Variants in KIF6 observed in about 807,000 individuals in gnomAD.
The protein encoded by KIF6 is kinesin-like protein KIF6.
KIF6 carries 106 observed loss-of-function variants against 112.7 expected under a neutral mutation model. That is an observed-to-expected ratio of 0.94 (90% confidence interval 0.80 to 1.11). KIF6 has a LOEUF of 1.11. Among genes scored for constraint, KIF6 ranks in the 50% least tolerant of loss-of-function variants. The pLI, the probability that KIF6 is intolerant of heterozygous loss-of-function variation, is 0.00. For missense variants in KIF6, 929 were observed against 964.0 expected, an observed-to-expected ratio of 0.96 and a Z score of 0.48; for synonymous variants, 339 against 339.9, an observed-to-expected ratio of 1.00 and a Z score of 0.03.
At chr6:39,590,451 A>ATATATATATATTT (rs1338373703) in intron 7 of KIF6, among the ~76,000 whole-genome samples, 26 of 84,746 alleles carry the variant, frequency 3.1e-4, no homozygotes, top group African/African-American at 1.3e-3. Flanking sequence ...ATATATATAT[A>ATATATATATATTT]TTTTTTTTTT....
Position 39,346,485 on chromosome 6 carries a change from A to T in KIF6, c.2222T>A (p.Phe741Tyr). 1 of 715,960 alleles carries T rather than the reference A, an allele frequency of 1.4e-6. No homozygotes were observed. Among genetic ancestry groups the T allele is most frequent in the Non-Finnish European group, 2.6e-6 (1 of 385,022 alleles). 44.4% of individuals were successfully genotyped at this position (715,960 alleles called of 1,614,324 possible). A position where few individuals can be genotyped will look rare whatever the true frequency, so the allele number is the denominator to read the frequency against. The change falls in exon 20 of 23, where the codon TTC (phenylalanine) becomes TAC (tyrosine). Residue 741 changes from phenylalanine to tyrosine, a missense_variant. Coordinates refer to ENST00000287152, the MANE Select transcript of KIF6 (RefSeq NM_145027.6). ...GGAAGGGGGTCCTCACCAGACATCG[A>T]ATCTGCCAGTGCCTTGATCTTGGAC... Reference protein sequence around the residue: ...WEVQDQGTGRFDVCDVNARKI... With the variant: ...WEVQDQGTGRYDVCDVNARKI...
chr6:39,376,877 GA>G lies in KIF6; in HGVS notation c.1861+8744del, dbSNP rs538590804. Reference sequence around the variant, plus strand: ...TCTTCAAATACAAGCTTAATGGAAAGAAAAAAAAAGATCTGAAGTTGTTTTG... The same window carrying G: ...TCTTCAAATACAAGCTTAATGGAAAGAAAAAAAAGATCTGAAGTTGTTTTG... On this transcript the variant is annotated intron_variant, in intron 16 of 22. Coordinates refer to ENST00000287152, the MANE Select transcript of KIF6 (RefSeq NM_145027.6). Among the ~76,000 whole-genome samples the G allele has an allele frequency of 2.7e-3, 411 of 151,144 alleles. 1 individual carries two copies. The highest frequency in any genetic ancestry group is 4.2e-3 in the Non-Finnish European group (287 of 67,720).
intron 10 of KIF6, among the ~76,000 whole-genome samples, chr6:39,555,787 T>G (rs1042398129): frequency 6.6e-6 from 1 of 151,740 alleles, no homozygotes; most frequent in Non-Finnish European, 1.5e-5. Context: ...ACCCCGTCTC[T>G]ACTAAAAATA....
intron 16 of KIF6, among the ~76,000 whole-genome samples, chr6:39,366,991 T>C (rs1765607724): frequency 6.6e-6 from 1 of 151,866 alleles, no homozygotes; most frequent in South Asian, 2.1e-4. Context: ...TGAAAGGGTC[T>C]GGGAAAGAAA....
At chr6:39,407,688 A>G (rs1769186355) in intron 15 of KIF6, among the ~76,000 whole-genome samples, 2 of 152,166 alleles carry the variant, frequency 1.3e-5, no homozygotes, top group East Asian at 1.9e-4. Flanking sequence ...TCAGCAGTAA[A>G]CTCATCAGAC....
At chr6:39,594,278 C>T (rs1222264120) in intron 7 of KIF6, among the ~76,000 whole-genome samples, 1 of 151,504 alleles carries the variant, frequency 6.6e-6, no homozygotes, top group Admixed American at 6.6e-5. Flanking sequence ...AAGTCTGATT[C>T]AACTGATGAA....
intron 3 of KIF6, among the ~76,000 whole-genome samples, chr6:39,673,288 G>A (rs150629891): frequency 3.3e-5 from 5 of 152,282 alleles, no homozygotes; most frequent in African/African-American, 1.2e-4. Context: ...ATGGAAGCAG[G>A]CCCTACATCC....
At chr6:39,398,832 G>A in intron 15 of KIF6, among the ~76,000 whole-genome samples, 1 of 152,210 alleles carries the variant, frequency 6.6e-6, no homozygotes. Flanking sequence ...AGTTTTATAT[G>A]TCAAAGCGTA....
intron 15 of KIF6, among the ~76,000 whole-genome samples, chr6:39,393,765 A>G (rs1429366654): frequency 6.6e-6 from 1 of 152,190 alleles, no homozygotes; most frequent in East Asian, 1.9e-4. Flanking sequence ...AACTACAGAC[A>G]TTGTTATAGT....
At chr6:39,370,103 C>T (rs1765857433) in intron 16 of KIF6, among the ~76,000 whole-genome samples, 1 of 152,186 alleles carries the variant, frequency 6.6e-6, no homozygotes, top group African/African-American at 2.4e-5. Flanking sequence ...CTCTGAGTAC[C>T]TTGGCAGTTC....
Position 39,613,324 on chromosome 6 carries a change from C to A in KIF6, c.510-6G>T. The A allele has an allele frequency of 1.3e-6, 2 of 1,564,168 alleles. No individual in the cohort carries two copies. Among genetic ancestry groups the A allele is most frequent in the South Asian group, 1.2e-5 (1 of 82,386 alleles). On this transcript the variant is annotated splice_region_variant and splice_polypyrimidine_tract_variant and intron_variant, in intron 5 of 22. Coordinates refer to ENST00000287152, the MANE Select transcript of KIF6 (RefSeq NM_145027.6). ...CCTCCAGTATTGTCACTTTCCTAAGCAAATGGGAAGCAAGAAAACAAGGTA... is the reference window on the plus strand; with the variant it reads ...CCTCCAGTATTGTCACTTTCCTAAGAAAATGGGAAGCAAGAAAACAAGGTA...
intron 22 of KIF6, among the ~76,000 whole-genome samples, chr6:39,340,313 T>C (rs1409026837): frequency 6.6e-6 from 1 of 151,696 alleles, no homozygotes; most frequent in Non-Finnish European, 1.5e-5. Flanking sequence ...AGAGCAAAGC[T>C]CCCCAGCTGC....
intron 3 of KIF6, among the ~76,000 whole-genome samples, chr6:39,652,781 G>A (rs1192746140): frequency 6.6e-6 from 1 of 152,022 alleles, no homozygotes; most frequent in Non-Finnish European, 1.5e-5. Flanking sequence ...CTATATCAAG[G>A]TCACACTTAG....
Position 39,336,556 on chromosome 6 carries a change from G to A in KIF6, c.2429-8C>T, listed in dbSNP as rs1279630488. 2 of 1,613,792 alleles carry A rather than the reference G, an allele frequency of 1.2e-6. No individual in the cohort carries two copies. The highest frequency in any genetic ancestry group is 2.2e-5 in the East Asian group (1 of 44,858). On this transcript the variant is annotated splice_polypyrimidine_tract_variant and splice_region_variant and intron_variant, in intron 22 of 22. Transcript: ENST00000287152. Reference sequence around the variant, plus strand: ...TTCAATTGCTTCCCAAACCTGAAAGGGAGACAGGATGCTTTTGGTTAGGCT... The same window carrying A: ...TTCAATTGCTTCCCAAACCTGAAAGAGAGACAGGATGCTTTTGGTTAGGCT...
At chr6:39,545,523 T>A in intron 11 of KIF6, 60 bp downstream of exon 11, 1 of 1,319,586 alleles carries the variant, frequency 7.6e-7, no homozygotes. Flanking sequence ...ACTAGAAAAG[T>A]TTTTTTGCAG....
At chr6:39,438,341 C>G (rs1434461541) in intron 13 of KIF6, among the ~76,000 whole-genome samples, 2 of 152,038 alleles carry the variant, frequency 1.3e-5, no homozygotes, top group Non-Finnish European at 2.9e-5. Context: ...GTAAAAAAGC[C>G]TTGGGCAGGT....
intron 3 of KIF6, among the ~76,000 whole-genome samples, chr6:39,675,500 A>C (rs1199789331): frequency 6.6e-6 from 1 of 152,172 alleles, no homozygotes; most frequent in Non-Finnish European, 1.5e-5. Context: ...AGAAGCAAAA[A>C]TAAATCTACT....
intron 13 of KIF6, among the ~76,000 whole-genome samples, chr6:39,482,853 T>C (rs779294386): frequency 1.3e-5 from 2 of 152,178 alleles, no homozygotes; most frequent in Non-Finnish European, 2.9e-5. Context: ...ACATGTTCTA[T>C]GGATTGGATG....
chr6:39,412,104 G>A (rs908381833), intron 15 of KIF6, among the ~76,000 whole-genome samples: 3 of 152,112 alleles, frequency 2.0e-5, no homozygotes, highest in Non-Finnish European at 4.4e-5. Flanking sequence ...CCAAATCATT[G>A]CTTCCTTCTC....
Sources: gnomAD v4.1 joint callset for allele counts (sites outside exome capture counted in the v4.1 genomes callset) on GRCh38, gnomAD v4.1.1 for gene constraint, MANE v1.5 for transcripts, NCBI Gene and HGNC (gene_info 2026-07-23, HGNC 2026-07-21) for gene names.